The following CCDC3 variants were observed in gnomAD, a reference collection of about 807,000 sequenced individuals.
CCDC3 encodes coiled-coil domain containing 3.
CCDC3 carries 24 observed loss-of-function variants against 21.4 expected under a neutral mutation model. The observed-to-expected ratio is 1.12, with a 90% CI of 0.81 to 1.58. The LOEUF is 1.58. CCDC3 is among the 40% of genes most tolerant of loss of function. CCDC3 has a pLI of 0.00. For missense variants in CCDC3, 425 were observed against 360.9 expected, an observed-to-expected ratio of 1.18 and a Z score of -1.44; for synonymous variants, 186 against 166.0, an observed-to-expected ratio of 1.12 and a Z score of -0.93.
At chr10:13,073,706 C>T (rs1488885443) in intron 4 of CCDC3, among the ~76,000 whole-genome samples, 1 of 151,940 alleles carries the variant, frequency 6.6e-6, no homozygotes, top group South Asian at 2.1e-4. Flanking sequence ...AGGCTGGTCT[C>T]CAACTCGTGA....
chr10:13,008,194 G>T (rs1234028067), intron 5 of CCDC3, among the ~76,000 whole-genome samples: 2 of 152,204 alleles, frequency 1.3e-5, no homozygotes, highest in African/African-American at 2.4e-5. Context: ...TAGGCATGCA[G>T]CCCAACATGG....
intron 5 of CCDC3, among the ~76,000 whole-genome samples, chr10:13,018,294 T>C (rs1461122572): frequency 6.6e-6 from 1 of 152,016 alleles, no homozygotes; most frequent in African/African-American, 2.4e-5. Flanking sequence ...AGGGGAGTCT[T>C]CCTGCTGAAG....
At position 12,898,372 on chromosome 10, in the gene CCDC3, T is replaced by A; in HGVS notation, c.*44A>T. On this transcript the variant is annotated 3_prime_UTR_variant, in exon 3 of 3. Transcript: ENST00000378825. ...GTACGAAACCTCACTCATTCTCAAT[T>A]ACCGTCAGGATTGGCCCTGCACACC... 1.3e-6 allele frequency: 2 copies of A among 1,530,402 alleles called. No homozygotes were observed. Among genetic ancestry groups the A allele is most frequent in the Non-Finnish European group, 1.8e-6 (2 of 1,139,892 alleles). 94.8% of individuals were successfully genotyped at this position (1,530,402 alleles called of 1,614,324 possible).
intron 2 of CCDC3, among the ~76,000 whole-genome samples, chr10:12,973,854 T>C (rs1244712143): frequency 6.6e-6 from 1 of 152,218 alleles, no homozygotes; most frequent in Admixed American, 6.5e-5. Context: ...AGTAGTGTGA[T>C]GTGGTTTTTT....
chr10:12,908,211 G>A (rs1350825257), intron 2 of CCDC3, among the ~76,000 whole-genome samples: 6 of 152,210 alleles, frequency 3.9e-5, no homozygotes, highest in African/African-American at 1.2e-4. Flanking sequence ...AGATGTTTAC[G>A]TGGGGACCAA....
At chr10:13,089,812 G>A (rs1411960368) in intron 3 of CCDC3, among the ~76,000 whole-genome samples, 1 of 151,234 alleles carries the variant, frequency 6.6e-6, no homozygotes, top group African/African-American at 2.4e-5. Context: ...CCAATTTGTA[G>A]CCTTTTATCC....
At chr10:12,956,634 C>T (rs1835091006) in intron 2 of CCDC3, among the ~76,000 whole-genome samples, 1 of 152,232 alleles carries the variant, frequency 6.6e-6, no homozygotes, top group South Asian at 2.1e-4. Context: ...GTAATGTAAT[C>T]TGGCCAAAAG....
At chr10:12,909,195 A>C (rs1467196379) in intron 2 of CCDC3, among the ~76,000 whole-genome samples, 1 of 152,150 alleles carries the variant, frequency 6.6e-6, no homozygotes, top group Non-Finnish European at 1.5e-5. Context: ...CTCTCCCTTG[A>C]AAACAGCAGG....
chr10:13,071,921 C>T (rs1421568635), intron 4 of CCDC3, among the ~76,000 whole-genome samples: 3 of 152,114 alleles, frequency 2.0e-5, no homozygotes, highest in Non-Finnish European at 4.4e-5. Flanking sequence ...TGAGACGCTC[C>T]CTTCAGATGC....
At chr10:13,086,839 C>T (rs1176529769) in intron 3 of CCDC3, among the ~76,000 whole-genome samples, 3 of 152,266 alleles carry the variant, frequency 2.0e-5, no homozygotes, top group South Asian at 4.1e-4. Context: ...GGTCAGGAAG[C>T]GGCACCTGCC....
chr10:13,034,981 A>G (rs995373842), intron 5 of CCDC3, among the ~76,000 whole-genome samples: 1 of 151,742 alleles, frequency 6.6e-6, no homozygotes, highest in African/African-American at 2.4e-5. Context: ...AGCCAAGATC[A>G]CGCCATTACA....
intron 3 of CCDC3, among the ~76,000 whole-genome samples, chr10:13,093,947 G>A (rs61851417): frequency 0.058 from 8,855 of 152,200 alleles, 360 homozygotes; most frequent in South Asian, 0.092. Context: ...AGGAACTGTG[G>A]TGCATTACAG....
chr10:13,007,072 G>A (rs996080972), intron 5 of CCDC3, among the ~76,000 whole-genome samples: 1 of 152,064 alleles, frequency 6.6e-6, no homozygotes, highest in Non-Finnish European at 1.5e-5. Flanking sequence ...ACCCCTTTTC[G>A]ATGGCATCAT....
At chr10:12,992,026 C>G (rs1414744967) in intron 2 of CCDC3, among the ~76,000 whole-genome samples, 2 of 151,210 alleles carry the variant, frequency 1.3e-5, no homozygotes, top group East Asian at 3.9e-4. Context: ...CAGTGTGTTG[C>G]CATTTGTGTC....
intron 2 of CCDC3, among the ~76,000 whole-genome samples, chr10:12,976,246 G>C (rs1332566832): frequency 6.6e-6 from 1 of 152,244 alleles, no homozygotes; most frequent in African/African-American, 2.4e-5. Context: ...TGAGCATGTA[G>C]CTGAGTAAAC....
intron 5 of CCDC3, among the ~76,000 whole-genome samples, chr10:13,043,571 G>A (rs1201036871): frequency 1.3e-5 from 2 of 151,980 alleles, no homozygotes; most frequent in Admixed American, 6.6e-5. Flanking sequence ...CCAGCCAGGG[G>A]GGACAGAGTG....
intron 3 of CCDC3, among the ~76,000 whole-genome samples, chr10:13,076,162 GAA>G (rs1217753253): frequency 6.6e-6 from 1 of 152,244 alleles, no homozygotes; most frequent in African/African-American, 2.4e-5. Context: ...AGTATGGGCA[GAA>G]GAGTCAAAGC....
chr10:13,041,707 C>T (rs960342407), intron 5 of CCDC3, among the ~76,000 whole-genome samples: 5 of 151,268 alleles, frequency 3.3e-5, no homozygotes, highest in African/African-American at 7.3e-5. Context: ...AGGCTGGTCT[C>T]GAACTCCTGA....
At chr10:12,951,380 G>A (rs188230079) in intron 2 of CCDC3, among the ~76,000 whole-genome samples, 1 of 152,224 alleles carries the variant, frequency 6.6e-6, no homozygotes, top group African/African-American at 2.4e-5. Context: ...CCCATTTAAG[G>A]AATGTTTGAC....
Sources: allele counts gnomAD v4.1 joint callset (sites outside exome capture counted in the v4.1 genomes callset), GRCh38; gene constraint gnomAD v4.1.1; transcripts MANE v1.5; gene names NCBI Gene and HGNC (gene_info 2026-07-23, HGNC 2026-07-21).